Variants in TOX2 observed in about 807,000 individuals in gnomAD.
The protein encoded by TOX2 is granulosa cell HMG box 1.
In TOX2, 15 loss-of-function variants were observed where a neutral mutation model predicts 47.4. The ratio of observed to expected loss-of-function variants is 0.32; its 90% CI spans 0.21 to 0.49. The LOEUF (loss-of-function observed/expected upper bound fraction) is 0.49, where lower values mean the gene tolerates loss of function less well. TOX2 is among the 20% of genes least tolerant of loss of function. The pLI, the probability that TOX2 is intolerant of heterozygous loss-of-function variation, is 0.99. For missense variants in TOX2, 622 were observed against 673.1 expected (o/e 0.92, Z 0.84); for synonymous variants, 290 against 296.6 (o/e 0.98, Z 0.23).
intron 1 of TOX2, among the ~76,000 whole-genome samples, chr20:43,939,976 G>A (rs1267160653): frequency 1.3e-5 from 2 of 152,090 alleles, no homozygotes; most frequent in Non-Finnish European, 2.9e-5. Context: ...CCCTGTATGA[G>A]ACATTTTTCC....
chr20:43,962,085 G>C (rs941141727), intron 1 of TOX2, among the ~76,000 whole-genome samples: 1 of 152,252 alleles, frequency 6.6e-6, no homozygotes, highest in African/African-American at 2.4e-5. Context: ...ATTTACAATC[G>C]GGGATGGGAG....
At chr20:44,052,310 G>A (rs1402820910) in intron 4 of TOX2, among the ~76,000 whole-genome samples, 2 of 152,162 alleles carry the variant, frequency 1.3e-5, no homozygotes, top group Non-Finnish European at 2.9e-5. Context: ...TCCACCTCCC[G>A]GTGAGAGAAC....
chr20:44,051,575 G>A lies in TOX2; in HGVS notation c.651+30G>A, dbSNP rs1019731786. On this transcript the variant is annotated intron_variant, in intron 4 of 8. Coordinates refer to ENST00000341197, the MANE Select transcript of TOX2 (RefSeq NM_001098797.2). ...GTGCGGTGGAGGAACAGAGCCTGAAGCTGCCCTCCTGTCGGCAGGGAAGGG... is the reference window on the plus strand; with the variant it reads ...GTGCGGTGGAGGAACAGAGCCTGAAACTGCCCTCCTGTCGGCAGGGAAGGG... 3 of 1,538,056 alleles carry A rather than the reference G, an allele frequency of 2.0e-6. No individual in the cohort carries two copies. In the African/African-American group the frequency reaches 4.1e-5, roughly 21 times the overall value.
chr20:44,022,029 C>T (rs924409317), intron 3 of TOX2, among the ~76,000 whole-genome samples: 15 of 152,320 alleles, frequency 9.8e-5, no homozygotes, highest in Admixed American at 7.8e-4. Flanking sequence ...GCTCACTTTG[C>T]CCTTAGCACG....
chr20:43,974,711 A>G (rs1402739548), intron 2 of TOX2, among the ~76,000 whole-genome samples: 2 of 152,242 alleles, frequency 1.3e-5, no homozygotes, highest in African/African-American at 4.8e-5. Context: ...GACAGGTCCC[A>G]TGGAGGCCAT....
At chr20:44,053,392 C>G (rs867764854) in intron 4 of TOX2, among the ~76,000 whole-genome samples, 5 of 151,220 alleles carry the variant, frequency 3.3e-5, no homozygotes, top group Non-Finnish European at 7.4e-5. Flanking sequence ...TTTTGTAATG[C>G]AGGATCCTTT....
intron 8 of TOX2, among the ~76,000 whole-genome samples, chr20:44,068,401 G>A (rs1488214281): frequency 1.3e-5 from 2 of 151,992 alleles, no homozygotes; most frequent in Non-Finnish European, 2.9e-5. Flanking sequence ...ATGAAAGACA[G>A]ACACGCTACT....
chr20:44,022,322 G>A (rs1304292650), intron 3 of TOX2, among the ~76,000 whole-genome samples: 1 of 152,070 alleles, frequency 6.6e-6, no homozygotes, highest in Non-Finnish European at 1.5e-5. Flanking sequence ...TTTTGTGTGT[G>A]TAAAATAGAT....
At chr20:44,006,456 C>T (rs2070680391) in intron 2 of TOX2, 91 bp from the exon 3 acceptor site, 3 of 1,519,464 alleles carry the variant, frequency 2.0e-6, no homozygotes, top group East Asian at 4.5e-5. Flanking sequence ...GGGTTGCTAT[C>T]GTTATTATTG....
intron 2 of TOX2, among the ~76,000 whole-genome samples, chr20:43,974,369 G>T (rs1437687505): frequency 1.3e-5 from 2 of 152,230 alleles, no homozygotes; most frequent in Non-Finnish European, 2.9e-5. Context: ...GGAACCCCAG[G>T]GAGGGTCCTC....
At chr20:43,950,532 C>T (rs1049617508) in intron 1 of TOX2, among the ~76,000 whole-genome samples, 18 of 151,954 alleles carry the variant, frequency 1.2e-4, no homozygotes, top group African/African-American at 3.9e-4. Context: ...TCTTTGCTGA[C>T]CGAGGTCACA....
intron 4 of TOX2, among the ~76,000 whole-genome samples, chr20:44,053,354 A>C (rs2071549568): frequency 6.6e-6 from 1 of 152,058 alleles, no homozygotes; most frequent in Admixed American, 6.6e-5. Flanking sequence ...AAAGCTGCAC[A>C]GCTGAAACAT....
chr20:43,981,348 T>C (rs2070165996), intron 2 of TOX2, among the ~76,000 whole-genome samples: 1 of 152,228 alleles, frequency 6.6e-6, no homozygotes, highest in Admixed American at 6.5e-5. Context: ...AGACTATTCA[T>C]TTTGATATTG....
chr20:44,055,761 T>C (rs141433611), intron 5 of TOX2, among the ~76,000 whole-genome samples: 44 of 152,136 alleles, frequency 2.9e-4, no homozygotes, highest in Non-Finnish European at 5.9e-5. Flanking sequence ...ACACAGAGCA[T>C]GTCCTGGGAG....
chr20:43,965,722 C>T (rs1005071369), intron 1 of TOX2, among the ~76,000 whole-genome samples: 1 of 152,186 alleles, frequency 6.6e-6, no homozygotes, highest in Non-Finnish European at 1.5e-5. Context: ...CGCCTCAGCA[C>T]ATTTGAATGA....
chr20:44,065,002 C>G lies in TOX2; in HGVS notation c.960+145C>G, dbSNP rs555837108. On this transcript the variant is annotated intron_variant, in intron 6 of 8. Coordinates refer to ENST00000341197, the MANE Select transcript of TOX2 (RefSeq NM_001098797.2). ...CCTACATGGTCATGTCTGCAGGGCA[C>G]CTACAGCATGCCAGGCTCATTCTGG... 1.5e-4 allele frequency: 105 copies of G among 678,448 alleles called. 3 individuals are homozygous for G. The South Asian group carries it at 1.9e-3, about 12-fold the overall frequency. The allele number at this position is 678,448 out of a possible 1,614,324, so 42.0% of individuals were successfully genotyped here. A position where few individuals can be genotyped will look rare whatever the true frequency, so the allele number is the denominator to read the frequency against.
At chr20:43,925,351 G>A (rs990195132) in intron 1 of TOX2, among the ~76,000 whole-genome samples, 6 of 152,082 alleles carry the variant, frequency 3.9e-5, no homozygotes, top group Admixed American at 6.6e-5. Context: ...GAGTAGAAAC[G>A]CTCTGTGTGT....
intron 5 of TOX2, among the ~76,000 whole-genome samples, chr20:44,062,731 C>G (rs1365263294): frequency 6.6e-6 from 1 of 152,142 alleles, no homozygotes; most frequent in Non-Finnish European, 1.5e-5. Flanking sequence ...CATCACATTA[C>G]CCGACTTCAA....
At chr20:44,046,798 G>A (rs1422670154) in intron 3 of TOX2, among the ~76,000 whole-genome samples, 4 of 152,062 alleles carry the variant, frequency 2.6e-5, no homozygotes, top group South Asian at 2.1e-4. Flanking sequence ...ATACATGAAC[G>A]GTTTTGCAAA....
Sources: allele counts gnomAD v4.1 joint callset (sites outside exome capture counted in the v4.1 genomes callset), GRCh38; gene constraint gnomAD v4.1.1; transcripts MANE v1.5; gene names NCBI Gene and HGNC (gene_info 2026-07-23, HGNC 2026-07-21).